Variants in ZFAND4 observed in about 807,000 individuals in gnomAD.
ZFAND4 encodes zinc finger AN1-type containing 4.
In ZFAND4, 43 loss-of-function variants were observed where a neutral mutation model predicts 64.4. The observed-to-expected ratio is 0.67, with a 90% CI of 0.52 to 0.86. The LOEUF is 0.86. ZFAND4 is among the 40% of genes least tolerant of loss of function. ZFAND4 has a pLI of 0.00. For synonymous variants in ZFAND4, 296 were observed against 305.7 expected, an observed-to-expected ratio of 0.97 and a Z score of 0.33; for missense variants, 929 against 859.8, an observed-to-expected ratio of 1.08 and a Z score of -1.01.
intron 1 of ZFAND4, among the ~76,000 whole-genome samples, chr10:45,668,614 C>A (rs1437257006): frequency 6.6e-6 from 1 of 152,192 alleles, no homozygotes; most frequent in East Asian, 1.9e-4. Context: ...AGCACCACAT[C>A]GCACTTATTC....
intron 4 of ZFAND4, among the ~76,000 whole-genome samples, chr10:45,648,776 C>T (rs1445035184): frequency 6.6e-6 from 1 of 152,076 alleles, no homozygotes; most frequent in Non-Finnish European, 1.5e-5. Flanking sequence ...CAGGGCTAAA[C>T]TAAAACATGA....
At chr10:45,653,091 A>C in intron 2 of ZFAND4, 32 bp from the exon 3 acceptor site, 1 of 1,505,114 alleles carries the variant, frequency 6.6e-7, no homozygotes, top group African/African-American at 1.4e-5. Flanking sequence ...AAAAGTGTTA[A>C]AGAATTCAAT....
chr10:45,623,491 AT>A, intron 8 of ZFAND4, among the ~76,000 whole-genome samples: 1 of 152,350 alleles, frequency 6.6e-6, no homozygotes, highest in South Asian at 2.1e-4. Context: ...AATTTCTGAT[AT>A]ATGCTACTAC....
intron 9 of ZFAND4, among the ~76,000 whole-genome samples, chr10:45,617,263 A>G (rs1309845266): frequency 2.6e-5 from 4 of 152,150 alleles, no homozygotes; most frequent in African/African-American, 4.8e-5. Context: ...CTATGCCATG[A>G]AAGGATTTTT....
chr10:45,635,195 CAAAA>C (rs1173808756), intron 6 of ZFAND4, among the ~76,000 whole-genome samples: 9 of 27,620 alleles, frequency 3.3e-4, no homozygotes, highest in East Asian at 1.3e-3. Flanking sequence ...GCCATCTAAG[CAAAA>C]AAAAAAAAAA....
At chr10:45,648,065 C>T (rs1032879449) in intron 5 of ZFAND4, among the ~76,000 whole-genome samples, 12 of 152,094 alleles carry the variant, frequency 7.9e-5, no homozygotes, top group African/African-American at 2.9e-4. Context: ...ACTATTATGA[C>T]AGGATTCTAT....
At chr10:45,624,459 A>C (rs1564552561) in intron 8 of ZFAND4, 124 bp downstream of exon 8, 3 of 745,638 alleles carry the variant, frequency 4.0e-6, no homozygotes, top group East Asian at 5.6e-5. Flanking sequence ...AAGCATTTAG[A>C]GACAGAATTT....
chr10:45,638,196 A>C (rs965460628), intron 6 of ZFAND4, among the ~76,000 whole-genome samples: 2 of 152,034 alleles, frequency 1.3e-5, no homozygotes, highest in African/African-American at 4.8e-5. Context: ...AATGCTTGGC[A>C]AAATTGGCCG....
rs2049277658 is a variant in ZFAND4, at chr10:45,672,609, A to AGCGCGGCTGGGCTCAGCGGC, written c.-497_-478dup. 6.6e-6 allele frequency: 1 copy of AGCGCGGCTGGGCTCAGCGGC among 151,904 alleles called. No individual in the cohort carries two copies. Among genetic ancestry groups the AGCGCGGCTGGGCTCAGCGGC allele is most frequent in the South Asian group, 2.1e-4 (1 of 4,840 alleles). 9.4% of individuals were successfully genotyped at this position (151,904 alleles called of 1,614,324 possible). A position where few individuals can be genotyped will look rare whatever the true frequency, so the allele number is the denominator to read the frequency against. On this transcript the variant is annotated 5_prime_UTR_variant, in exon 1 of 10. Transcript: ENST00000344646. Reference sequence around the variant, plus strand: ...CGGCCCCACGACGGCCGGCGGCGGCAGCGCGGCTGGGCTCAGCGGCTCGCA... The same window carrying AGCGCGGCTGGGCTCAGCGGC: ...CGGCCCCACGACGGCCGGCGGCGGCAGCGCGGCTGGGCTCAGCGGCGCGCGGCTGGGCTCAGCGGCTCGCA...
intron 1 of ZFAND4, among the ~76,000 whole-genome samples, chr10:45,668,596 T>C (rs2048983274): frequency 6.6e-6 from 1 of 152,222 alleles, no homozygotes; most frequent in African/African-American, 2.4e-5. Flanking sequence ...GTCTGGCAAA[T>C]TCTTCTCAGC....
chr10:45,633,427 C>T (rs1463684250), intron 6 of ZFAND4, among the ~76,000 whole-genome samples: 3 of 151,924 alleles, frequency 2.0e-5, no homozygotes, highest in Non-Finnish European at 4.4e-5. Context: ...AAAAATCAAG[C>T]CCGGCATGGT....
At chr10:45,637,612 T>C (rs1049443270) in intron 6 of ZFAND4, among the ~76,000 whole-genome samples, 2 of 151,698 alleles carry the variant, frequency 1.3e-5, no homozygotes, top group Non-Finnish European at 2.9e-5. Flanking sequence ...TAGCCGGGCG[T>C]GGAGATGCGC....
chr10:45,621,824 G>A lies in ZFAND4; in HGVS notation c.1927+2759C>T, dbSNP rs560227318. Among the ~76,000 whole-genome samples, 18 of 152,128 alleles carry A rather than the reference G, an allele frequency of 1.2e-4. No homozygotes were observed. The South Asian group carries it at 3.7e-3, about 32-fold the overall frequency. On this transcript the variant is annotated intron_variant, in intron 8 of 9. Coordinates refer to ENST00000344646, the MANE Select transcript of ZFAND4 (RefSeq NM_174890.4). ...AGTAAAAATTTATAACAATGTGATA[G>A]CCTAGAATTTTTTTTAAAAAAAACT... is the stretch of plus-strand genomic sequence containing the variant.
At chr10:45,641,514 G>A (rs138148347) in intron 5 of ZFAND4, among the ~76,000 whole-genome samples, 2 of 152,294 alleles carry the variant, frequency 1.3e-5, no homozygotes, top group Non-Finnish European at 2.9e-5. Flanking sequence ...AATTTTATAT[G>A]GTGCAACATG....
At chr10:45,622,869 A>G (rs949335405) in intron 8 of ZFAND4, among the ~76,000 whole-genome samples, 2 of 152,124 alleles carry the variant, frequency 1.3e-5, no homozygotes, top group African/African-American at 4.8e-5. Flanking sequence ...ATGATTGTTT[A>G]TGGAAAGTAT....
intron 6 of ZFAND4, among the ~76,000 whole-genome samples, chr10:45,634,763 A>G (rs1013600587): frequency 1.3e-5 from 2 of 152,118 alleles, no homozygotes; most frequent in Non-Finnish European, 2.9e-5. Context: ...AAAAACAGAA[A>G]GACTGCACCA....
intron 8 of ZFAND4, among the ~76,000 whole-genome samples, chr10:45,622,541 C>G (rs2045505903): frequency 6.6e-6 from 1 of 152,196 alleles, no homozygotes; most frequent in Non-Finnish European, 1.5e-5. Flanking sequence ...GTCAGGCATT[C>G]TGGACTTTCC....
chr10:45,626,738 G>A lies in ZFAND4; in HGVS notation c.1085C>T (p.Ser362Phe). ...AAAATGTTTTGTTTGCCTAGGCAGGGATGATCCAAGATGGAGAACAGAGTC... is the reference window on the plus strand; with the variant it reads ...AAAATGTTTTGTTTGCCTAGGCAGGAATGATCCAAGATGGAGAACAGAGTC... ...LADSVLHLGS[S>F]LPRQTKHFLG... Residue 362 changes from serine (S) to phenylalanine (F), a missense_variant, in exon 7 of 10, where the codon TCC (serine) becomes TTC (phenylalanine). Transcript: ENST00000344646. 2 of 1,614,168 alleles carry A rather than the reference G, an allele frequency of 1.2e-6. No homozygotes were observed. The highest frequency in any genetic ancestry group is 1.3e-5 in the African/African-American group (1 of 75,040).
chr10:45,667,458 CTTTTTTTTT>C (rs60572011), intron 1 of ZFAND4, among the ~76,000 whole-genome samples: 8 of 90,664 alleles, frequency 8.8e-5, no homozygotes, highest in South Asian at 3.4e-4. Context: ...TCTTTTCTTT[CTTTTTTTTT>C]TTTTTTTTTT....
Sources: allele counts gnomAD v4.1 joint callset (sites outside exome capture counted in the v4.1 genomes callset), GRCh38; gene constraint gnomAD v4.1.1; transcripts MANE v1.5; gene names NCBI Gene and HGNC (gene_info 2026-07-23, HGNC 2026-07-21).